Variants in ZFP64 observed in about 807,000 individuals in gnomAD.
The protein encoded by ZFP64 is ZFP64 zinc finger protein.
Under a neutral mutation model 51.6 loss-of-function variants are expected in ZFP64, and 14 were observed. The observed-to-expected ratio is 0.27, with a 90% CI of 0.18 to 0.42. ZFP64 has a LOEUF of 0.42. Ranked by LOEUF, ZFP64 falls within the 10% of genes least tolerant of loss-of-function variation. The probability of loss-of-function intolerance (pLI) is 1.00; values close to 1 mark genes in which losing one functional copy is unlikely to be tolerated. For missense variants in ZFP64, 754 were observed against 906.8 expected (o/e 0.83, Z 2.16); for synonymous variants, 375 against 361.4 (o/e 1.04, Z -0.43).
In ZFP64 at chr20:52,153,379, G is replaced by A. The variant is rs762712393; in HGVS notation, c.813C>T (p.Ser271=). Residue 271 remains serine (S), a synonymous_variant, in exon 6 of 6, where the codon AGC becomes AGT. Coordinates refer to ENST00000216923, the MANE Select transcript of ZFP64 (RefSeq NM_018197.3). This position sits in a 1 kb window ranked among gnomAD's most constrained non-coding sequence, Gnocchi z 5.1. The part of the protein sequence containing the change: ...CWLCSAKFKI[S]SDLKRHMRVH... ...CCCGCATGTGCCTTTTCAAGTCCGA[G>A]CTGATTTTGAACTTGGCGCTACAGA... 6 of 1,614,212 alleles carry A rather than the reference G, an allele frequency of 3.7e-6. No homozygotes were observed. Among genetic ancestry groups the A allele is most frequent in the Non-Finnish European group, 4.2e-6 (5 of 1,180,044 alleles).
intron 7 of ZFP64, among the ~76,000 whole-genome samples, chr20:52,092,540 C>A (rs374152681): frequency 2.6e-4 from 39 of 152,096 alleles, no homozygotes; most frequent in Admixed American, 7.2e-4. Context: ...TGTAAAACTG[C>A]GAAGTCTGGA....
intron 7 of ZFP64, among the ~76,000 whole-genome samples, chr20:52,090,927 CAAAAAAAAAAAAAAA>C (rs797006213): frequency 2.9e-5 from 2 of 68,078 alleles, no homozygotes; most frequent in African/African-American, 1.1e-4. Flanking sequence ...CTGACTCTAC[CAAAAAAAAAAAAAAA>C]AAAAAAAAAA....
In ZFP64 at chr20:52,191,222, T is replaced by C. The variant is rs1984341658; in HGVS notation, c.46+369A>G. Among the ~76,000 whole-genome samples the C allele has an allele frequency of 6.6e-6, 1 of 152,160 alleles. No homozygotes were observed. The highest frequency in any genetic ancestry group is 1.5e-5 in the Non-Finnish European group (1 of 68,016). ...TGAGGCAGAAGTTTTCCCATCAGTG[T>C]TGCCCCGTTTACCCTAGATTCCTCC... On this transcript the variant is annotated intron_variant, in intron 1 of 5. Coordinates refer to ENST00000216923, the MANE Select transcript of ZFP64 (RefSeq NM_018197.3). This position sits in a 1 kb window ranked among gnomAD's most constrained non-coding sequence, Gnocchi z 4.3.
Position 52,152,870 on chromosome 20 carries a change from C to T in ZFP64, c.1322G>A (p.Arg441His), listed in dbSNP as rs764218342. 6.2e-7 allele frequency: 1 copy of T among 1,614,028 alleles called. No individual in the cohort carries two copies. Among genetic ancestry groups the T allele is most frequent in the Non-Finnish European group, 8.5e-7 (1 of 1,180,028 alleles). Reference sequence around the variant, plus strand: ...CTCACTGTGCTGTCTCTTGTGGCTGCGGAGCGAGTCCTCCCGCATGAAGGA... The same window carrying T: ...CTCACTGTGCTGTCTCTTGTGGCTGTGGAGCGAGTCCTCCCGCATGAAGGA... Reference protein sequence around the residue: ...DASFMREDSLRSHKRQHSEYS... With the variant: ...DASFMREDSLHSHKRQHSEYS... Residue 441 changes from arginine to histidine, a missense_variant, in exon 6 of 6, where the codon CGC (arginine) becomes CAC (histidine). Transcript: ENST00000216923.
At chr20:52,109,479 G>C (rs1028291870) in intron 5 of ZFP64, among the ~76,000 whole-genome samples, 14 of 152,024 alleles carry the variant, frequency 9.2e-5, no homozygotes, top group Non-Finnish European at 1.0e-4. Flanking sequence ...GTTTAAACAG[G>C]CTACAAAAAT....
chr20:52,164,963 T>G (rs139909659), intron 3 of ZFP64: 1 of 680,398 alleles, frequency 1.5e-6, no homozygotes, highest in South Asian at 1.5e-5. Context: ...AACCTGAATC[T>G]GATCATAAGG....
chr20:52,172,216 T>C (rs1183034463), intron 2 of ZFP64, among the ~76,000 whole-genome samples: 1 of 151,582 alleles, frequency 6.6e-6, no homozygotes, highest in Non-Finnish European at 1.5e-5. Flanking sequence ...TGTGTGTGTG[T>C]GTGTTTGTGT....
intron 2 of ZFP64, among the ~76,000 whole-genome samples, chr20:52,173,768 C>T (rs908474970): frequency 6.6e-6 from 1 of 151,924 alleles, no homozygotes; most frequent in East Asian, 1.9e-4. Flanking sequence ...CCTGCCTCAG[C>T]CTCCTGAGTG....
intron 5 of ZFP64, among the ~76,000 whole-genome samples, chr20:52,111,373 C>T (rs994025566): frequency 2.0e-5 from 3 of 151,830 alleles, no homozygotes; most frequent in Admixed American, 1.3e-4. Context: ...TGCACCACCA[C>T]GCCCAGCTAA....
intron 7 of ZFP64, chr20:52,097,051 A>G (rs1356040787): frequency 3.0e-6 from 2 of 667,898 alleles, no homozygotes; most frequent in Non-Finnish European, 5.8e-6. Context: ...TAATCCTGGC[A>G]TAGATTATGG....
rs1978537985 is a variant in ZFP64, at chr20:52,111,030, G to GTC, written c.764-12444_764-12443insGA. The stretch of plus-strand genomic sequence containing the variant: ...TATCCAGGGGAAGGGCGCGCTTGGT[G>GTC]TGCAGGCCGCTGCTGCCATGCGGAG... On this transcript the variant is annotated intron_variant, in intron 5 of 8. Coordinates refer to the ZFP64 transcript ENST00000361387. 45 of 1,423,136 alleles carry GTC rather than the reference G, an allele frequency of 3.2e-5. No individual in the cohort carries two copies. The South Asian group carries it at 5.1e-4, about 16-fold the overall frequency. 88.2% of individuals were successfully genotyped at this position (1,423,136 alleles called of 1,614,324 possible).
intron 5 of ZFP64, among the ~76,000 whole-genome samples, chr20:52,106,188 G>C (rs1360254877): frequency 6.6e-6 from 1 of 152,160 alleles, no homozygotes; most frequent in Non-Finnish European, 1.5e-5. Flanking sequence ...CGTGGTCCTC[G>C]GGGGGTTGAG....
intron 2 of ZFP64, among the ~76,000 whole-genome samples, chr20:52,172,134 A>T (rs1040081933): frequency 2.0e-5 from 3 of 151,916 alleles, no homozygotes; most frequent in African/African-American, 7.3e-5. Flanking sequence ...ACCTTGGACC[A>T]ACCTGGGTGT....
chr20:52,145,345 T>C (rs892285435), intron 5 of ZFP64, among the ~76,000 whole-genome samples: 6 of 152,158 alleles, frequency 3.9e-5, no homozygotes, highest in African/African-American at 1.4e-4. Context: ...TATCTAAATA[T>C]AACTAAACAT....
Position 52,102,107 on chromosome 20 carries a change from C to CAAAAAAAAAAAAAAAAAA in ZFP64, c.764-3538_764-3521dup, listed in dbSNP as rs34646115. On this transcript the variant is annotated intron_variant, in intron 5 of 8. Transcript: ENST00000361387. Reference sequence around the variant, plus strand: ...AGCCTGGTGAGAGTAACTCCATCTCCAAAAAAAAAAAAAAAAAAGGCAGCA... The same window carrying CAAAAAAAAAAAAAAAAAA: ...AGCCTGGTGAGAGTAACTCCATCTCCAAAAAAAAAAAAAAAAAAAAAAAAAAAAAAAAAAAAGGCAGCA... 8.5e-4 allele frequency among the ~76,000 whole-genome samples: 54 copies of CAAAAAAAAAAAAAAAAAA among 63,410 alleles called. 2 individuals carry two copies. The highest frequency in any genetic ancestry group is 1.8e-3 in the African/African-American group (26 of 14,716). The allele number at this position is 63,410 out of a possible 152,430, so 41.6% of individuals were successfully genotyped here.
intron 2 of ZFP64, among the ~76,000 whole-genome samples, chr20:52,184,040 G>A (rs1184117219): frequency 2.0e-5 from 3 of 152,098 alleles, no homozygotes; most frequent in African/African-American, 7.2e-5. Context: ...TACTAGAGAT[G>A]AGTTTCACCA....
intron 5 of ZFP64, among the ~76,000 whole-genome samples, chr20:52,124,986 C>T (rs998497297): frequency 2.2e-4 from 33 of 152,126 alleles, no homozygotes; most frequent in Admixed American, 1.6e-3. Context: ...TCAGAGGGAA[C>T]GAAGGCATTT....
In ZFP64 at chr20:52,165,242, T is replaced by C. The variant is rs992307554; in HGVS notation, c.449-485A>G. 8.8e-6 allele frequency: 4 copies of C among 456,324 alleles called. No homozygotes were observed. The Admixed American group carries it at 9.4e-5, about 11-fold the overall frequency. 28.3% of individuals were successfully genotyped at this position (456,324 alleles called of 1,614,324 possible). On this transcript the variant is annotated intron_variant, in intron 3 of 5. Transcript: ENST00000216923. ...GGTCAGTAGGTTAGATAATAGTTCC[T>C]ATAAATGTTAATTTTCTGATCTTGA...
intron 2 of ZFP64, among the ~76,000 whole-genome samples, chr20:52,178,332 T>C (rs902340479): frequency 3.9e-5 from 6 of 152,134 alleles, no homozygotes; most frequent in African/African-American, 1.4e-4. Flanking sequence ...CCACTTTCTG[T>C]CATCTGGACA....
Sources: allele counts gnomAD v4.1 joint callset (sites outside exome capture counted in the v4.1 genomes callset), GRCh38; gene constraint gnomAD v4.1.1; non-coding constraint Gnocchi (gnomAD v3.1); transcripts MANE v1.5; gene names NCBI Gene and HGNC (gene_info 2026-07-23, HGNC 2026-07-21).